DUSP13B: variants seen among roughly 807,000 people sequenced by gnomAD.
The protein encoded by DUSP13B is dual specificity phosphatase 13B, also known as dual specificity protein phosphatase 13B.
the DUSP13B span, among the ~76,000 whole-genome samples, chr10:75,096,601 T>A: frequency 6.6e-6 from 1 of 150,426 alleles, no homozygotes; most frequent in African/African-American, 2.4e-5. Flanking sequence ...AAAGAAAAAT[T>A]AGCTAGGTGT....
the DUSP13B span, among the ~76,000 whole-genome samples, chr10:75,095,221 C>T: frequency 2.0e-5 from 3 of 152,300 alleles, no homozygotes; most frequent in African/African-American, 7.2e-5. Flanking sequence ...TCCCTTTCCC[C>T]CGAGTTCTGC....
the DUSP13B span, among the ~76,000 whole-genome samples, chr10:75,107,698 T>G: frequency 6.6e-6 from 1 of 152,134 alleles, no homozygotes; most frequent in Non-Finnish European, 1.5e-5. Flanking sequence ...TGCCTCAGCC[T>G]CCAGAGTAGC....
At chr10:75,108,542 C>T in the DUSP13B span, among the ~76,000 whole-genome samples, 1 of 152,294 alleles carries the variant, frequency 6.6e-6, no homozygotes, top group Admixed American at 6.5e-5. Flanking sequence ...TCCTCCCACG[C>T]ATATCCGTCC....
chr10:75,102,558 G>A, the DUSP13B span, among the ~76,000 whole-genome samples: 15 of 152,298 alleles, frequency 9.8e-5, no homozygotes, highest in South Asian at 2.1e-4. Context: ...CTATAATCCC[G>A]ACACTTTGGG....
At chr10:75,105,649 C>G in the DUSP13B span, 1 of 1,546,956 alleles carries the variant, frequency 6.5e-7, no homozygotes, top group Non-Finnish European at 8.7e-7. Flanking sequence ...GCTTTGCCCC[C>G]TGAGGCCTCA....
At chr10:75,109,152 A>G in the DUSP13B span, 1 of 1,589,560 alleles carries the variant, frequency 6.3e-7, no homozygotes, top group Non-Finnish European at 8.6e-7. Flanking sequence ...GAGAGGTCTC[A>G]GCCATGGGCC....
chr10:75,100,284 C>T, the DUSP13B span, among the ~76,000 whole-genome samples: 6 of 152,248 alleles, frequency 3.9e-5, no homozygotes, highest in East Asian at 1.9e-4. Context: ...GAACGGGGCT[C>T]TCCCCTGGAC....
At chr10:75,099,105 G>T in the DUSP13B span, 1 of 1,232,428 alleles carries the variant, frequency 8.1e-7, no homozygotes, top group Non-Finnish European at 1.0e-6. Context: ...TCTGCTGGCT[G>T]AAGGAGTCAG....
At chr10:75,096,274 C>A in the DUSP13B span, among the ~76,000 whole-genome samples, 27 of 151,636 alleles carry the variant, frequency 1.8e-4, no homozygotes, top group Non-Finnish European at 3.1e-4. Context: ...ACAACAACAA[C>A]AAAAAATAGA....
the DUSP13B span, among the ~76,000 whole-genome samples, chr10:75,107,205 G>A: frequency 6.6e-6 from 1 of 152,072 alleles, no homozygotes; most frequent in Non-Finnish European, 1.5e-5. Flanking sequence ...TATGGTGGCG[G>A]ATGCCTGTAG....
the DUSP13B span, chr10:75,105,643 T>C: frequency 6.5e-7 from 1 of 1,545,488 alleles, no homozygotes; most frequent in Non-Finnish European, 8.7e-7. Context: ...CATCCAGCTT[T>C]GCCCCCTGAG....
the DUSP13B span, chr10:75,105,576 A>G: frequency 7.7e-7 from 1 of 1,304,318 alleles, no homozygotes; most frequent in African/African-American, 1.5e-5. Flanking sequence ...CAATCCTGGA[A>G]GAATCCAATC....
At chr10:75,095,151 G>A in the DUSP13B span, among the ~76,000 whole-genome samples, 2 of 152,162 alleles carry the variant, frequency 1.3e-5, no homozygotes, top group African/African-American at 4.8e-5. Flanking sequence ...GGGGAAGGGG[G>A]TTTACTGAAT....
the DUSP13B span, chr10:75,097,816 G>C: frequency 6.2e-7 from 1 of 1,613,928 alleles, no homozygotes; most frequent in South Asian, 1.1e-5. Context: ...TGGGCGGCTG[G>C]TAGGGAGATG....
At chr10:75,108,119 G>C in the DUSP13B span, 5,281 of 1,613,780 alleles carry the variant, frequency 3.3e-3, 100 homozygotes, top group Non-Finnish European at 1.3e-3. Flanking sequence ...AGAAGTCAGG[G>C]CCGCCCTGAC....
the DUSP13B span, chr10:75,095,521 G>C: frequency 3.3e-6 from 5 of 1,521,002 alleles, no homozygotes; most frequent in African/African-American, 1.4e-5. Flanking sequence ...TGGAATAATG[G>C]AGAGTCCTAA....
the DUSP13B span, chr10:75,097,629 C>G: frequency 7.3e-7 from 1 of 1,373,628 alleles, no homozygotes; most frequent in Admixed American, 2.5e-5. Flanking sequence ...CCCTAGAGGG[C>G]TCTGAGAGAG....
the DUSP13B span, chr10:75,095,637 T>A: frequency 6.2e-7 from 1 of 1,614,024 alleles, no homozygotes; most frequent in Admixed American, 1.7e-5. Context: ...GACACTGAGG[T>A]CGAAGAAGGG....
At chr10:75,097,886 C>A in the DUSP13B span, 2 of 1,593,484 alleles carry the variant, frequency 1.3e-6, no homozygotes, top group Non-Finnish European at 1.7e-6. Context: ...TGAGTCCATC[C>A]TGGAACAGAG....
Sources: gnomAD v4.1 joint callset for allele counts (sites outside exome capture counted in the v4.1 genomes callset) on GRCh38, gnomAD v4.1.1 for gene constraint, MANE v1.5 for transcripts, NCBI Gene and HGNC (gene_info 2026-07-23, HGNC 2026-07-21) for gene names.